Variants in SCGB2B2 observed in about 807,000 individuals in gnomAD.
SCGB2B2 encodes secretoglobin-like protein.
In SCGB2B2, 11 loss-of-function variants were observed where a neutral mutation model predicts 7.6. The ratio of observed to expected loss-of-function variants is 1.45; its 90% confidence interval spans 0.91 to 2.40. The LOEUF is 2.40. SCGB2B2 is among the 30% of genes most tolerant of loss of function. SCGB2B2 has a pLI of 0.00. For missense variants in SCGB2B2, 104 were observed against 115.4 expected, an observed-to-expected ratio of 0.90 and a Z score of 0.45; for synonymous variants, 50 against 48.6, an observed-to-expected ratio of 1.03 and a Z score of -0.12.
chr19:34,600,121 C>T (rs1004087713), intron 1 of SCGB2B2, among the ~76,000 whole-genome samples: 1 of 152,104 alleles, frequency 6.6e-6, no homozygotes, highest in Admixed American at 6.6e-5. Context: ...GTGTGCTGCA[C>T]CCATTAACTT....
At chr19:34,668,913 AAG>A (rs1386112088) in intron 1 of SCGB2B2, among the ~76,000 whole-genome samples, 4 of 152,102 alleles carry the variant, frequency 2.6e-5, no homozygotes, top group East Asian at 1.9e-4. Context: ...GGGGCCAGAT[AAG>A]AGAGTAAAAG....
At chr19:34,634,854 TCACCAGTGTGA>T (rs2066632336) in intron 1 of SCGB2B2, 2 of 263,354 alleles carry the variant, frequency 7.6e-6, no homozygotes, top group Admixed American at 7.8e-5. Context: ...ATAGGGCCTT[TCACCAGTGTGA>T]ACTCTCTGGT....
chr19:34,596,130 T>A lies in SCGB2B2; in HGVS notation c.-1567A>T, dbSNP rs565372236. 4 of 152,162 alleles carry A rather than the reference T, an allele frequency of 2.6e-5. No individual in the cohort carries two copies. The highest frequency in any genetic ancestry group is 6.5e-5 in the Admixed American group (1 of 15,278). 9.4% of individuals were successfully genotyped at this position (152,162 alleles called of 1,614,324 possible). ...GGCCTCTTAAAGGACCTACCCAGCA[T>A]TGGGTAGGACTTAGAGTGGCCGTCA... is the stretch of plus-strand genomic sequence containing the variant. On this transcript the variant is annotated 5_prime_UTR_variant, in exon 2 of 4. An upstream start codon of the reference 5' UTR is lost. Coordinates refer to ENST00000601241, the MANE Select transcript of SCGB2B2 (RefSeq NM_001025591.4).
intron 1 of SCGB2B2, among the ~76,000 whole-genome samples, chr19:34,648,523 G>GT (rs1231442979): frequency 6.6e-6 from 1 of 152,162 alleles, no homozygotes; most frequent in African/African-American, 2.4e-5. Flanking sequence ...CCCATAATCT[G>GT]TAAGTTGTCA....
intron 3 of SCGB2B2, 80 bp downstream of exon 3, chr19:34,594,095 G>A (rs1357730033): frequency 6.9e-6 from 8 of 1,163,952 alleles, no homozygotes; most frequent in Non-Finnish European, 1.0e-5. Flanking sequence ...TGGAAAGCAG[G>A]ATGGAAGGCA....
intron 1 of SCGB2B2, among the ~76,000 whole-genome samples, chr19:34,628,287 A>C (rs190496184): frequency 3.3e-5 from 5 of 152,334 alleles, no homozygotes; most frequent in Non-Finnish European, 5.9e-5. Flanking sequence ...GAACTGAAGA[A>C]GATAGAGACA....
chr19:34,618,963 T>TATG (rs750898683), intron 1 of SCGB2B2, among the ~76,000 whole-genome samples: 13 of 152,368 alleles, frequency 8.5e-5, no homozygotes, highest in Non-Finnish European at 1.9e-4. Flanking sequence ...AGAAGCAGTT[T>TATG]ATGGCCTTAA....
intron 1 of SCGB2B2, among the ~76,000 whole-genome samples, chr19:34,653,170 A>G (rs116617933): frequency 6.6e-6 from 1 of 151,382 alleles, no homozygotes; most frequent in African/African-American, 2.5e-5. Flanking sequence ...TCATAGAAGA[A>G]GAGTGTAGAA....
chr19:34,594,557 C>G lies in SCGB2B2; in HGVS notation c.7G>C (p.Val3Leu), dbSNP rs1412663655. 6.2e-7 allele frequency: 1 copy of G among 1,612,702 alleles called. No individual in the cohort carries two copies. Among genetic ancestry groups the G allele is most frequent in the South Asian group, 1.1e-5 (1 of 91,030 alleles). The part of the protein sequence containing the change: MR[V>L]TSATCALLLA... The stretch of plus-strand genomic sequence containing the variant: ...AGAAGAGCACAGGTGGCGGATGTCA[C>G]CCTCATGACAGCGGAGTCTGGTCCC... Residue 3 changes from valine (V) to leucine (L), a missense_variant, in exon 2 of 4, where the codon GTG becomes CTG. Coordinates refer to ENST00000601241, the MANE Select transcript of SCGB2B2 (RefSeq NM_001025591.4).
chr19:34,587,369 T>C (rs544627669), downstream of SCGB2B2, among the ~76,000 whole-genome samples: 6 of 152,238 alleles, frequency 3.9e-5, no homozygotes, highest in African/African-American at 7.2e-5. Context: ...GATTTTAGTA[T>C]GTTGATTTTA....
At chr19:34,674,513 T>C (rs2067875292) in intron 1 of SCGB2B2, among the ~76,000 whole-genome samples, 1 of 152,196 alleles carries the variant, frequency 6.6e-6, no homozygotes, top group Non-Finnish European at 1.5e-5. Context: ...TAAAAAAGTT[T>C]GGAAAATTGA....
In SCGB2B2 at chr19:34,594,241, G is replaced by A; in HGVS notation, c.180C>T (p.Phe60=). Residue 60 remains phenylalanine, a synonymous_variant, in exon 3 of 4, where the codon TTC becomes TTT. Coordinates refer to ENST00000601241, the MANE Select transcript of SCGB2B2 (RefSeq NM_001025591.4). ...TGGCAAAGCATTGCTGGACATTGAG[G>A]AAGGACTCCTCTGTCAGGGGACTGG... ...YNPSPLTEES[F]LNVQQCFANV... The A allele has an allele frequency of 2.5e-6, 4 of 1,614,140 alleles. No homozygotes were observed. Among genetic ancestry groups the A allele is most frequent in the Non-Finnish European group, 3.4e-6 (4 of 1,179,978 alleles).
rs1469284890 is a variant in SCGB2B2, at chr19:34,592,597, C to A, written c.*958G>T. On this transcript the variant is annotated 3_prime_UTR_variant, in exon 4 of 4. Transcript: ENST00000601241. The stretch of plus-strand genomic sequence containing the variant: ...AAAGGGCTTGAGGTTTGGGGAGGGA[C>A]CTCCCCCAGAAGGAGTTGATGGAGC... 6.6e-6 allele frequency among the ~76,000 whole-genome samples: 1 copy of A among 152,028 alleles called. No homozygotes were observed. The highest frequency in any genetic ancestry group is 1.5e-5 in the Non-Finnish European group (1 of 67,992).
chr19:34,586,780 CT>C (rs1379087010), downstream of SCGB2B2, among the ~76,000 whole-genome samples: 2 of 152,150 alleles, frequency 1.3e-5, no homozygotes, highest in Non-Finnish European at 2.9e-5. Context: ...TTGTGCTGTG[CT>C]TTTGTAGTGA....
rs1243797173 is a variant in SCGB2B2, at chr19:34,612,018, AATTCTTTTTTT to A, written c.-2031-15435_-2031-15425del. On this transcript the variant is annotated intron_variant, in intron 1 of 3. Coordinates refer to ENST00000601241, the MANE Select transcript of SCGB2B2 (RefSeq NM_001025591.4). ...ATTTTCATATATTTGTGTTTTAGAA[AATTCTTTTTTT>A]TTTTTTTTTTTTTTTTTTTTTTTTT... 4.4e-4 allele frequency among the ~76,000 whole-genome samples: 35 copies of A among 78,670 alleles called. No individual in the cohort carries two copies. In the East Asian group the frequency reaches 8.0e-3, roughly 18 times the overall value. 51.6% of individuals were successfully genotyped at this position (78,670 alleles called of 152,430 possible).
intron 1 of SCGB2B2, among the ~76,000 whole-genome samples, chr19:34,608,018 G>A (rs1189550267): frequency 2.6e-5 from 4 of 152,058 alleles, no homozygotes; most frequent in Non-Finnish European, 5.9e-5. Context: ...CATGGAATCT[G>A]ATAGGGATTG....
intron 1 of SCGB2B2, among the ~76,000 whole-genome samples, chr19:34,614,440 T>G (rs897014824): frequency 6.6e-6 from 1 of 152,120 alleles, no homozygotes; most frequent in African/African-American, 2.4e-5. Flanking sequence ...ATTGAATTCT[T>G]CAGTTGCAGG....
chr19:34,635,978 T>G (rs574092889), intron 1 of SCGB2B2, among the ~76,000 whole-genome samples: 28 of 152,320 alleles, frequency 1.8e-4, no homozygotes, highest in Non-Finnish European at 2.6e-4. Flanking sequence ...GTGTATTCCC[T>G]GATGCTCAGC....
intron 1 of SCGB2B2, among the ~76,000 whole-genome samples, chr19:34,623,247 T>C (rs2066284380): frequency 6.6e-6 from 1 of 152,240 alleles, no homozygotes; most frequent in South Asian, 2.1e-4. Context: ...AAATACTCTA[T>C]ATGTGAGTGA....
Sources: allele counts gnomAD v4.1 joint callset (sites outside exome capture counted in the v4.1 genomes callset), GRCh38; gene constraint gnomAD v4.1.1; transcripts MANE v1.5; gene names NCBI Gene and HGNC (gene_info 2026-07-23, HGNC 2026-07-21).